GPAM: variants seen among roughly 807,000 people sequenced by gnomAD.
GPAM encodes the protein glycerol-3-phosphate acyltransferase 1, mitochondrial.
In GPAM, 56 loss-of-function variants were observed where a neutral mutation model predicts 105.0. The observed-to-expected ratio is 0.53, with a 90% CI of 0.43 to 0.67. The LOEUF (loss-of-function observed/expected upper bound fraction) is 0.67. Ranked by LOEUF, GPAM falls within the 30% of genes least tolerant of loss-of-function variation. GPAM has a pLI of 0.00. For synonymous variants in GPAM, 368 were observed against 354.4 expected (o/e 1.04, Z -0.43); for missense variants, 855 against 989.8 (o/e 0.86, Z 1.83).
At chr10:112,187,506 C>G (rs1847609889), upstream of GPAM, among the ~76,000 whole-genome samples, 1 of 152,010 alleles carries the variant, frequency 6.6e-6, no homozygotes, top group Non-Finnish European at 1.5e-5. Flanking sequence ...ATAATGAGGA[C>G]AAACTGATTC....
chr10:112,214,242 G>C (rs968238033), intron 1 of GPAM: 2 of 152,210 alleles, frequency 1.3e-5, no homozygotes, highest in African/African-American at 4.8e-5. Flanking sequence ...AGTGGAGAGA[G>C]GAAATGCGGT....
chr10:112,168,947 A>G lies in GPAM; in HGVS notation c.800T>C (p.Leu267Ser). The change falls in exon 10 of 22, where the codon TTG (leucine) becomes TCG (serine). Residue 267 changes from leucine to serine, a missense_variant. Physicochemically the swap from Leu to Ser is moderately radical, Grantham distance 145. Transcript: ENST00000348367. ...NNLNIPIFST[L>S]IHKLGGFFIR... is the part of the protein sequence containing the mutation. ...GAAGAAGCCCCCAAGCTTATGGATCAAGGTACTATAAATTCAGAATACATG... is the reference window on the plus strand; with the variant it reads ...GAAGAAGCCCCCAAGCTTATGGATCGAGGTACTATAAATTCAGAATACATG... The G allele has an allele frequency of 6.4e-7, 1 of 1,571,956 alleles. No homozygotes were observed. The highest frequency in any genetic ancestry group is 8.8e-7 in the Non-Finnish European group (1 of 1,141,660).
chr10:112,171,467 A>G (rs118067011), intron 9 of GPAM, among the ~76,000 whole-genome samples: 87 of 152,296 alleles, frequency 5.7e-4, no homozygotes, highest in Middle Eastern at 6.8e-3. Context: ...TGAACATGTC[A>G]TTTCTCAAGT....
Position 112,152,174 on chromosome 10 carries a change from C to T in GPAM, c.*1376G>A, listed in dbSNP as rs1294535403. The T allele has an allele frequency of 1.0e-6, 1 of 975,430 alleles. No individual in the cohort carries two copies. Among genetic ancestry groups the T allele is most frequent in the Non-Finnish European group, 1.2e-6 (1 of 820,888 alleles). The allele number at this position is 975,430 out of a possible 1,614,324, so 60.4% of individuals were successfully genotyped here. A position where few individuals can be genotyped will look rare whatever the true frequency, so the allele number is the denominator to read the frequency against. ...AAATTCAAAGAATCTATGTAACACT[C>T]ATCTGGAAAAATTCTTAATTCCATA... On this transcript the variant is annotated 3_prime_UTR_variant, in exon 22 of 22. Transcript: ENST00000348367.
intron 1 of GPAM, among the ~76,000 whole-genome samples, chr10:112,198,169 A>G (rs1376209800): frequency 1.3e-5 from 2 of 152,194 alleles, no homozygotes; most frequent in African/African-American, 4.8e-5. Flanking sequence ...AACACCTGGC[A>G]CAGAGTGGGT....
At chr10:112,190,717 C>G (rs1847647429) in intron 1 of GPAM, among the ~76,000 whole-genome samples, 1 of 152,088 alleles carries the variant, frequency 6.6e-6, no homozygotes, top group African/African-American at 2.4e-5. Flanking sequence ...AACGGCACCC[C>G]ACACTTGGAC....
chr10:112,226,513 A>G, the GPAM span, among the ~76,000 whole-genome samples: 1 of 152,160 alleles, frequency 6.6e-6, no homozygotes, highest in Non-Finnish European at 1.5e-5. Flanking sequence ...ACCCAACACC[A>G]GGCCATGGGG....
chr10:112,212,417 C>G (rs1401525552), intron 1 of GPAM, among the ~76,000 whole-genome samples: 1 of 152,102 alleles, frequency 6.6e-6, no homozygotes, highest in East Asian at 1.9e-4. Flanking sequence ...CACCCACAAC[C>G]TTGCCTGGCT....
chr10:112,209,284 G>T (rs560323167), intron 1 of GPAM, among the ~76,000 whole-genome samples: 1 of 152,108 alleles, frequency 6.6e-6, no homozygotes, highest in East Asian at 1.9e-4. Flanking sequence ...AAGCCCCAGG[G>T]ATACACAGTG....
chr10:112,181,221 A>AAT (rs1267554103), intron 3 of GPAM, among the ~76,000 whole-genome samples: 1 of 151,726 alleles, frequency 6.6e-6, no homozygotes, highest in Non-Finnish European at 1.5e-5. Context: ...ATATAAAGAC[A>AAT]ATTAAGATAT....
intron 21 of GPAM, 42 bp downstream of exon 21, chr10:112,154,587 G>A (rs923136082): frequency 7.4e-7 from 1 of 1,351,492 alleles, no homozygotes; most frequent in African/African-American, 1.4e-5. Flanking sequence ...AAAGAGAACA[G>A]AAGTTGAGAT....
intron 1 of GPAM, among the ~76,000 whole-genome samples, chr10:112,193,609 TA>T (rs1847688856): frequency 6.6e-6 from 1 of 152,186 alleles, no homozygotes. Flanking sequence ...TCAGAATCTG[TA>T]AAGTGGCAGA....
intron 18 of GPAM, among the ~76,000 whole-genome samples, chr10:112,157,632 C>A (rs755329383): frequency 6.6e-6 from 1 of 152,160 alleles, no homozygotes; most frequent in African/African-American, 2.4e-5. Flanking sequence ...AAAGTACCCC[C>A]ACATGTTCTA....
In GPAM at chr10:112,150,038, A is replaced by G. The variant is rs1846887256; in HGVS notation, c.*3512T>C. On this transcript the variant is annotated 3_prime_UTR_variant, in exon 22 of 22. Transcript: ENST00000348367. ...CACGAGTCTTAACATTTCTTTGTAC[A>G]ACAGGCAAATAGTTTAATACCTTCC... The G allele has an allele frequency of 9.1e-6, 9 of 985,082 alleles. No homozygotes were observed. Among genetic ancestry groups the G allele is most frequent in the Non-Finnish European group, 9.6e-6 (8 of 829,528 alleles). 61.0% of individuals were successfully genotyped at this position (985,082 alleles called of 1,614,324 possible). A position where few individuals can be genotyped will look rare whatever the true frequency, so the allele number is the denominator to read the frequency against.
intron 19 of GPAM, chr10:112,156,980 G>A (rs891127776): frequency 1.7e-6 from 1 of 598,540 alleles, no homozygotes; most frequent in Non-Finnish European, 3.0e-6. Flanking sequence ...AGGTAAACAG[G>A]TATGCACCTG....
At position 112,158,335 on chromosome 10, in the gene GPAM, C is replaced by A; in HGVS notation, c.1961G>T (p.Gly654Val). Residue 654 changes from glycine (G) to valine (V), a missense_variant, in exon 18 of 22, where the codon GGC becomes GTC. Transcript: ENST00000348367. ...HETVGKFIQY[G>V]ILTVAEHDDQ... ...TCTTACCTCTGCCACTGTAAGAATG[C>A]CATACTGGATAAACTTTCCTACTGT... The A allele has an allele frequency of 6.3e-7, 1 of 1,593,288 alleles. No individual in the cohort carries two copies. The highest frequency in any genetic ancestry group is 8.6e-7 in the Non-Finnish European group (1 of 1,160,956).
At chr10:112,163,031 C>G (rs568048640) in intron 14 of GPAM, among the ~76,000 whole-genome samples, 37 of 152,226 alleles carry the variant, frequency 2.4e-4, no homozygotes, top group Admixed American at 6.5e-4. Flanking sequence ...GCCCAGAGAG[C>G]AGCAAGAAAG....
the GPAM span, among the ~76,000 whole-genome samples, chr10:112,222,876 CCA>C: frequency 6.6e-6 from 1 of 152,026 alleles, no homozygotes; most frequent in African/African-American, 2.4e-5. Flanking sequence ...GCCATGCCAG[CCA>C]CAGAGGAGCA....
intron 1 of GPAM, among the ~76,000 whole-genome samples, chr10:112,209,631 G>C (rs979056922): frequency 6.6e-6 from 1 of 152,072 alleles, no homozygotes; most frequent in Non-Finnish European, 1.5e-5. Context: ...TTTTCCCATA[G>C]CCAAGTCCTA....
Sources: allele counts gnomAD v4.1 joint callset (sites outside exome capture counted in the v4.1 genomes callset), GRCh38; gene constraint gnomAD v4.1.1; transcripts MANE v1.5; gene names NCBI Gene and HGNC (gene_info 2026-07-23, HGNC 2026-07-21).